Variants in RAB14 observed in about 807,000 individuals in gnomAD.
The protein encoded by RAB14 is RAB14, member RAS oncogene family, also known as ras-related protein Rab-14.
In RAB14, 3 loss-of-function variants were observed where a neutral mutation model predicts 31.1. The ratio of observed to expected loss-of-function variants is 0.10; its 90% CI spans 0.04 to 0.25. The LOEUF (loss-of-function observed/expected upper bound fraction) is 0.25. Among genes scored for constraint, RAB14 ranks in the 10% least tolerant of loss-of-function variants. RAB14 has a pLI of 1.00. For synonymous variants in RAB14, 85 were observed against 84.9 expected (o/e 1.00, Z 0.00); for missense variants, 111 against 260.1 (o/e 0.43, Z 3.94).
At chr9:121,200,048 G>A (rs1302070186) in intron 1 of RAB14, among the ~76,000 whole-genome samples, 1 of 152,216 alleles carries the variant, frequency 6.6e-6, no homozygotes, top group Non-Finnish European at 1.5e-5. Context: ...ACTCTAAGAT[G>A]CAGGTCCAAT....
intron 2 of RAB14, among the ~76,000 whole-genome samples, chr9:121,192,953 A>G (rs1052038877): frequency 2.6e-5 from 4 of 152,118 alleles, no homozygotes; most frequent in East Asian, 1.9e-4. Flanking sequence ...GAAAAATACT[A>G]TATTTTATAT....
At chr9:121,192,254 C>T (rs1283252172) in intron 2 of RAB14, 30 bp from the exon 3 acceptor site, 15 of 1,534,124 alleles carry the variant, frequency 9.8e-6, no homozygotes, top group Non-Finnish European at 1.2e-5. Flanking sequence ...TTTCAGGTGG[C>T]AATTACATTT....
chr9:121,188,528 T>C (rs955939058), intron 4 of RAB14, among the ~76,000 whole-genome samples: 5 of 151,502 alleles, frequency 3.3e-5, no homozygotes, highest in Non-Finnish European at 5.9e-5. Flanking sequence ...TATTAATTGG[T>C]GGTACTAGTA....
intron 5 of RAB14, among the ~76,000 whole-genome samples, chr9:121,186,352 G>C (rs1366160848): frequency 6.6e-6 from 1 of 152,110 alleles, no homozygotes; most frequent in Non-Finnish European, 1.5e-5. Context: ...TTCTCTCCCT[G>C]CTAGACTATA....
chr9:121,187,156 G>T, intron 4 of RAB14, 137 bp from the exon 5 acceptor site: 1 of 465,174 alleles, frequency 2.1e-6, no homozygotes, highest in Non-Finnish European at 3.7e-6. Flanking sequence ...CAGTAGTTGT[G>T]AAATACAACT....
intron 2 of RAB14, among the ~76,000 whole-genome samples, chr9:121,192,516 A>C (rs981956650): frequency 7.9e-5 from 12 of 152,082 alleles, no homozygotes; most frequent in Admixed American, 4.6e-4. Flanking sequence ...AGCTGTTTCA[A>C]AATTTTATGT....
At chr9:121,183,546 C>T (rs2053644654) in intron 5 of RAB14, 148 bp from the exon 6 acceptor site, 1 of 624,762 alleles carries the variant, frequency 1.6e-6, no homozygotes, top group Non-Finnish European at 2.8e-6. Context: ...CTAGACAGGG[C>T]TACAGATTCA....
intron 1 of RAB14, among the ~76,000 whole-genome samples, chr9:121,198,843 C>T (rs1219599594): frequency 6.6e-6 from 1 of 152,102 alleles, no homozygotes; most frequent in African/African-American, 2.4e-5. Flanking sequence ...ATTTGTCAGT[C>T]AGGCGGATAA....
chr9:121,188,307 A>C (rs1234348473), intron 4 of RAB14, among the ~76,000 whole-genome samples: 1 of 151,960 alleles, frequency 6.6e-6, no homozygotes, highest in Non-Finnish European at 1.5e-5. Context: ...ATAAACCTTA[A>C]ACAAGTCCGA....
Position 121,178,474 on chromosome 9 carries a change from G to A in RAB14, c.*2922C>T, listed in dbSNP as rs569933476. 2.6e-5 allele frequency: 4 copies of A among 151,518 alleles called. No individual in the cohort carries two copies. In the East Asian group the frequency reaches 7.8e-4, roughly 29 times the overall value. 9.4% of individuals were successfully genotyped at this position (151,518 alleles called of 1,614,324 possible). A position where few individuals can be genotyped will look rare whatever the true frequency, so the allele number is the denominator to read the frequency against. On this transcript the variant is annotated 3_prime_UTR_variant, in exon 8 of 8. Transcript: ENST00000373840. ...ATTCCCACATGAAGAGGAATGGAAG[G>A]TAATTATTTGGTCTTTTCTTCTGTT...
chr9:121,189,899 G>GGTCT (rs1405225326), intron 4 of RAB14, among the ~76,000 whole-genome samples: 7 of 151,982 alleles, frequency 4.6e-5, no homozygotes, highest in African/African-American at 1.7e-4. Context: ...AACAGTGCAG[G>GGTCT]GTCTAATCAA....
chr9:121,189,665 A>C (rs1394026907), intron 4 of RAB14, among the ~76,000 whole-genome samples: 3 of 152,194 alleles, frequency 2.0e-5, no homozygotes, highest in African/African-American at 7.2e-5. Flanking sequence ...AGAATTTCTT[A>C]CTGCAGAACT....
Position 121,181,361 on chromosome 9 carries a change from GA to G in RAB14, c.*34del. ...AGTACTGCTTCCAACAGACAGAGGT[GA>G]AAGGTCAAATGAGGGGCCACAGCAA... is the stretch of plus-strand genomic sequence containing the variant. On this transcript the variant is annotated 3_prime_UTR_variant, in exon 8 of 8. Transcript: ENST00000373840. 6.5e-7 allele frequency: 1 copy of G among 1,536,312 alleles called. No homozygotes were observed. Among genetic ancestry groups the G allele is most frequent in the Non-Finnish European group, 8.9e-7 (1 of 1,128,496 alleles).
intron 3 of RAB14, 111 bp from the exon 4 acceptor site, chr9:121,190,842 T>C (rs370834202): frequency 3.0e-6 from 3 of 1,001,110 alleles, no homozygotes; most frequent in Non-Finnish European, 1.4e-6. Context: ...TTACAGGCTA[T>C]AAATAGACTA....
chr9:121,199,035 G>A (rs1296967741), intron 1 of RAB14, among the ~76,000 whole-genome samples: 1 of 152,056 alleles, frequency 6.6e-6, no homozygotes, highest in East Asian at 1.9e-4. Flanking sequence ...TGTGGCAAAA[G>A]TAACTTTGAT....
intron 5 of RAB14, among the ~76,000 whole-genome samples, chr9:121,185,968 T>G (rs2053657023): frequency 6.6e-6 from 1 of 152,136 alleles, no homozygotes; most frequent in African/African-American, 2.4e-5. Flanking sequence ...CAAACAATGT[T>G]AACTGACTCT....
At chr9:121,195,279 C>A (rs1360486299) in intron 1 of RAB14, among the ~76,000 whole-genome samples, 2 of 152,118 alleles carry the variant, frequency 1.3e-5, no homozygotes, top group Non-Finnish European at 2.9e-5. Flanking sequence ...CTTCTAAATT[C>A]TTTCCCCATT....
intron 3 of RAB14, among the ~76,000 whole-genome samples, 158 bp downstream of exon 3, chr9:121,192,013 G>T: frequency 6.6e-6 from 1 of 151,772 alleles, no homozygotes; most frequent in East Asian, 1.9e-4. Flanking sequence ...AAAATATGCT[G>T]GCATATTTCA....
At chr9:121,184,069 G>C (rs554068273) in intron 5 of RAB14, among the ~76,000 whole-genome samples, 1 of 152,296 alleles carries the variant, frequency 6.6e-6, no homozygotes, top group Admixed American at 6.5e-5. Context: ...ACTTGCTGAA[G>C]GTCACTCAGT....
Sources: allele counts gnomAD v4.1 joint callset (sites outside exome capture counted in the v4.1 genomes callset), GRCh38; gene constraint gnomAD v4.1.1; transcripts MANE v1.5; gene names NCBI Gene and HGNC (gene_info 2026-07-23, HGNC 2026-07-21).